EXOC6B: variants seen among roughly 807,000 people sequenced by gnomAD.
The protein encoded by EXOC6B is exocyst complex component 6B, also known as SEC15 homolog B.
A neutral mutation model predicts 113.5 loss-of-function variants in EXOC6B; 54 were observed. The ratio of observed to expected loss-of-function variants is 0.48; its 90% CI spans 0.38 to 0.60. The LOEUF is 0.60. EXOC6B is among the 20% of genes least tolerant of loss of function. The pLI, the probability that EXOC6B is intolerant of heterozygous loss-of-function variation, is 0.00. For synonymous variants in EXOC6B, 357 were observed against 339.0 expected, an observed-to-expected ratio of 1.05 and a Z score of -0.58; for missense variants, 797 against 977.5, an observed-to-expected ratio of 0.82 and a Z score of 2.46.
intron 8 of EXOC6B, among the ~76,000 whole-genome samples, chr2:72,554,930 AGT>A (rs1349375166): frequency 2.2e-5 from 3 of 138,750 alleles, no homozygotes; most frequent in Admixed American, 7.3e-5. Context: ...GACAGGCCCC[AGT>A]GTGTGATGTT....
chr2:72,698,517 TCTAA>T (rs200518236), intron 6 of EXOC6B, among the ~76,000 whole-genome samples: 2,448 of 152,346 alleles, frequency 0.016, 79 homozygotes, highest in African/African-American at 0.057. Context: ...CTATATTATC[TCTAA>T]CTATTTCAAG....
intron 18 of EXOC6B, among the ~76,000 whole-genome samples, chr2:72,429,301 T>C (rs1464746650): frequency 6.6e-6 from 1 of 152,220 alleles, no homozygotes; most frequent in Non-Finnish European, 1.5e-5. Context: ...AACATGAAGA[T>C]ATTGAAAGAT....
intron 20 of EXOC6B, among the ~76,000 whole-genome samples, chr2:72,204,971 G>A (rs1001538527): frequency 2.1e-4 from 32 of 152,080 alleles, no homozygotes; most frequent in African/African-American, 7.5e-4. Flanking sequence ...AAAACTCAAC[G>A]GAATAGCTGA....
At chr2:72,672,925 T>C (rs1354223521) in intron 6 of EXOC6B, among the ~76,000 whole-genome samples, 1 of 152,126 alleles carries the variant, frequency 6.6e-6, no homozygotes, top group African/African-American at 2.4e-5. Flanking sequence ...TCAAAATAGC[T>C]AGAAGAGAAT....
intron 1 of EXOC6B, among the ~76,000 whole-genome samples, chr2:72,767,555 A>G (rs1315642589): frequency 1.3e-5 from 2 of 151,814 alleles, no homozygotes; most frequent in Non-Finnish European, 2.9e-5. Flanking sequence ...CACGCTTGCA[A>G]TCCCAACACT....
rs1293219372 is a variant in EXOC6B, at chr2:72,176,437, G to C, written c.*2898C>G. On this transcript the variant is annotated 3_prime_UTR_variant, in exon 22 of 22. Transcript: ENST00000272427. ...CCAAAGCCAGTCTTGGGAGATAAAA[G>C]GCCGTGGGTCTGGGACTTGCTGAGT... 6.6e-6 allele frequency: 1 copy of C among 152,282 alleles called. No individual in the cohort carries two copies. Among genetic ancestry groups the C allele is most frequent in the Non-Finnish European group, 1.5e-5 (1 of 68,118 alleles). The allele number at this position is 152,282 out of a possible 1,614,324, so 9.4% of individuals were successfully genotyped here.
intron 8 of EXOC6B, among the ~76,000 whole-genome samples, chr2:72,537,314 A>G (rs1230176292): frequency 6.6e-6 from 1 of 152,150 alleles, no homozygotes; most frequent in Non-Finnish European, 1.5e-5. Context: ...AGTTAAAAAC[A>G]CAAAACAGGC....
At chr2:72,337,574 G>C (rs1029496348) in intron 19 of EXOC6B, among the ~76,000 whole-genome samples, 1 of 152,056 alleles carries the variant, frequency 6.6e-6, no homozygotes, top group East Asian at 1.9e-4. Context: ...TTTAGTTTTC[G>C]GAGTCACTTT....
At position 72,427,571 on chromosome 2, in the gene EXOC6B, C is replaced by T. The variant is rs188624938; in HGVS notation, c.1980+37589G>A. 3.8e-3 allele frequency among the ~76,000 whole-genome samples: 573 copies of T among 152,312 alleles called. 12 individuals carry two copies. Among genetic ancestry groups the T allele is most frequent in the Admixed American group, 0.032 (489 of 15,304 alleles). On this transcript the variant is annotated intron_variant, in intron 18 of 21. Coordinates refer to ENST00000272427, the MANE Select transcript of EXOC6B (RefSeq NM_015189.3). ...CGCCAGCCCCCTGCTGCCTTGGCCC[C>T]CTCTGGACTTTGAACACCAACAAGC...
At chr2:72,587,864 A>C (rs1705691932) in intron 6 of EXOC6B, among the ~76,000 whole-genome samples, 1 of 152,082 alleles carries the variant, frequency 6.6e-6, no homozygotes, top group African/African-American at 2.4e-5. Flanking sequence ...AATCTTTTTA[A>C]TGGGCAAAAT....
intron 20 of EXOC6B, among the ~76,000 whole-genome samples, chr2:72,225,150 C>A (rs1274429209): frequency 6.6e-6 from 1 of 151,274 alleles, no homozygotes; most frequent in East Asian, 1.9e-4. Flanking sequence ...CCGCGCCCAG[C>A]CTATTTTATT....
At chr2:72,790,136 T>C (rs1237521359) in intron 1 of EXOC6B, among the ~76,000 whole-genome samples, 2 of 152,180 alleles carry the variant, frequency 1.3e-5, no homozygotes, top group African/African-American at 4.8e-5. Flanking sequence ...TAAGTTGAAA[T>C]GGGTTGTTCT....
chr2:72,324,953 T>A (rs1688043476), intron 20 of EXOC6B, among the ~76,000 whole-genome samples: 2 of 152,128 alleles, frequency 1.3e-5, no homozygotes, highest in Non-Finnish European at 2.9e-5. Flanking sequence ...TGGGAACAGA[T>A]CTTAAGTCTC....
At chr2:72,584,899 C>T (rs901993544) in intron 6 of EXOC6B, among the ~76,000 whole-genome samples, 10 of 152,132 alleles carry the variant, frequency 6.6e-5, no homozygotes, top group Non-Finnish European at 1.0e-4. Flanking sequence ...ACAACTTGTT[C>T]CTGAATTACT....
intron 20 of EXOC6B, among the ~76,000 whole-genome samples, chr2:72,327,779 T>C (rs1382092299): frequency 6.6e-6 from 1 of 152,066 alleles, no homozygotes; most frequent in African/African-American, 2.4e-5. Context: ...TAGAGCAGAT[T>C]CTCCTCCAAT....
chr2:72,709,931 T>A (rs182295031), intron 6 of EXOC6B, among the ~76,000 whole-genome samples: 62 of 152,246 alleles, frequency 4.1e-4, no homozygotes, highest in African/African-American at 1.4e-3. Flanking sequence ...TCTTTTAAAG[T>A]CATATACATA....
At chr2:72,546,969 T>C (rs754542708) in intron 8 of EXOC6B, among the ~76,000 whole-genome samples, 2 of 152,232 alleles carry the variant, frequency 1.3e-5, no homozygotes, top group African/African-American at 4.8e-5. Context: ...TGTACTTCCC[T>C]TTAGAGGAGG....
At chr2:72,304,195 A>G (rs1686696589) in intron 20 of EXOC6B, among the ~76,000 whole-genome samples, 1 of 152,240 alleles carries the variant, frequency 6.6e-6, no homozygotes, top group African/African-American at 2.4e-5. Context: ...TGATTGGTCC[A>G]TAATTTAGCC....
chr2:72,802,114 G>A (rs1685312239), intron 1 of EXOC6B, among the ~76,000 whole-genome samples: 1 of 152,058 alleles, frequency 6.6e-6, no homozygotes, highest in East Asian at 1.9e-4. Context: ...CACAAGGTCG[G>A]GAGTTCAAGA....
Sources: allele counts gnomAD v4.1 joint callset (sites outside exome capture counted in the v4.1 genomes callset), GRCh38; gene constraint gnomAD v4.1.1; transcripts MANE v1.5; gene names NCBI Gene and HGNC (gene_info 2026-07-23, HGNC 2026-07-21).